The following BCL2L13 variants were observed in gnomAD, a reference collection of about 807,000 sequenced individuals.
BCL2L13 encodes the protein BCL2 like 13.
In BCL2L13, 13 loss-of-function variants were observed where a neutral mutation model predicts 25.8. The observed-to-expected ratio is 0.50, with a 90% CI of 0.33 to 0.80. The LOEUF is 0.80. Ranked by LOEUF, BCL2L13 falls within the 30% of genes least tolerant of loss-of-function variation. The pLI, the probability that BCL2L13 is intolerant of heterozygous loss-of-function variation, is 0.02. For missense variants in BCL2L13, 504 were observed against 574.9 expected (o/e 0.88, Z 1.26); for synonymous variants, 244 against 230.3 (o/e 1.06, Z -0.54).
chr22:17,654,431 G>GT lies in BCL2L13; in HGVS notation c.-50-1222dup, dbSNP rs536430521. ...TGTCTTCTCTCTTTTTTTTTCTTCT[G>GT]TTTTTTTTTGAGATGGAGTCTCGCT... On this transcript the variant is annotated intron_variant, in intron 1 of 6. Transcript: ENST00000317582. Among the ~76,000 whole-genome samples, 58 of 126,802 alleles carry GT rather than the reference G, an allele frequency of 4.6e-4. No homozygotes were observed. The South Asian group carries it at 8.1e-3, about 18-fold the overall frequency. The allele number at this position is 126,802 out of a possible 152,430, so 83.2% of individuals were successfully genotyped here.
intron 1 of BCL2L13, among the ~76,000 whole-genome samples, chr22:17,651,256 C>T (rs1483521129): frequency 6.6e-6 from 1 of 151,472 alleles, no homozygotes; most frequent in Non-Finnish European, 1.5e-5. Flanking sequence ...CCTTGGCCTC[C>T]CAAAGTGCTA....
chr22:17,703,791 T>C (rs911845365), intron 6 of BCL2L13: 2 of 152,232 alleles, frequency 1.3e-5, no homozygotes, highest in Non-Finnish European at 2.9e-5. Flanking sequence ...TTTATTGTTA[T>C]TGTTGTCTTC....
intron 4 of BCL2L13, among the ~76,000 whole-genome samples, chr22:17,690,872 T>G (rs971033597): frequency 6.6e-6 from 1 of 152,152 alleles, no homozygotes; most frequent in Non-Finnish European, 1.5e-5. Context: ...GAAATAAAAC[T>G]TACACAGGAA....
Position 17,728,669 on chromosome 22 carries a change from TATGAAA to T in BCL2L13, c.*1136_*1141del, listed in dbSNP as rs1387365286. 6.6e-6 allele frequency: 1 copy of T among 152,222 alleles called. No homozygotes were observed. Among genetic ancestry groups the T allele is most frequent in the African/African-American group, 2.4e-5 (1 of 41,452 alleles). The allele number at this position is 152,222 out of a possible 1,614,324, so 9.4% of individuals were successfully genotyped here. A position where few individuals can be genotyped will look rare whatever the true frequency, so the allele number is the denominator to read the frequency against. ...ATAGAGCCAGTTAGATCATAATTCTTATGAAATAGAGAGTGTCCTAAATATCACTGA... is the reference window on the plus strand; with the variant it reads ...ATAGAGCCAGTTAGATCATAATTCTTTAGAGAGTGTCCTAAATATCACTGA... On this transcript the variant is annotated 3_prime_UTR_variant, in exon 7 of 7. Transcript: ENST00000317582.
chr22:17,630,947 ACTTTATAAC>A (rs1329659247), intron 1 of BCL2L13, among the ~76,000 whole-genome samples: 2 of 151,670 alleles, frequency 1.3e-5, no homozygotes, highest in Non-Finnish European at 2.9e-5. Context: ...TTATAACCTT[ACTTTATAAC>A]CTTTATAACC....
At chr22:17,680,344 A>C (rs931874539) in intron 2 of BCL2L13, among the ~76,000 whole-genome samples, 3 of 150,916 alleles carry the variant, frequency 2.0e-5, no homozygotes, top group African/African-American at 7.3e-5. Context: ...CCCCATCTCT[A>C]CTAAAAATAC....
At chr22:17,692,318 G>A (rs2145643637) in intron 4 of BCL2L13, 1 of 152,270 alleles carries the variant, frequency 6.6e-6, no homozygotes, top group East Asian at 1.9e-4. Context: ...GTGCATGTAT[G>A]TCTGTGTATA....
At chr22:17,652,964 C>G (rs1053879311) in intron 1 of BCL2L13, among the ~76,000 whole-genome samples, 1 of 152,008 alleles carries the variant, frequency 6.6e-6, no homozygotes, top group Admixed American at 6.6e-5. Flanking sequence ...ACTCGGGAGG[C>G]TGAGGCAGGA....
intron 1 of BCL2L13, among the ~76,000 whole-genome samples, chr22:17,644,179 G>A (rs2058390905): frequency 6.6e-6 from 1 of 151,370 alleles, no homozygotes; most frequent in Non-Finnish European, 1.5e-5. Context: ...CAAAGTGCTA[G>A]GATTACAGGC....
chr22:17,699,587 T>C (rs949185192), intron 5 of BCL2L13, among the ~76,000 whole-genome samples: 1 of 152,162 alleles, frequency 6.6e-6, no homozygotes, highest in Admixed American at 6.5e-5. Context: ...AAAAAAATTA[T>C]ATATGATGTG....
intron 2 of BCL2L13, among the ~76,000 whole-genome samples, chr22:17,671,381 G>C (rs2587066): frequency 0.69 from 92,990 of 135,668 alleles, 32,094 homozygotes; most frequent in East Asian, 0.85. Flanking sequence ...GTGACAGAGC[G>C]AGACTCCATC....
intron 2 of BCL2L13, among the ~76,000 whole-genome samples, chr22:17,665,003 A>G (rs2059192986): frequency 6.6e-6 from 1 of 152,174 alleles, no homozygotes; most frequent in Non-Finnish European, 1.5e-5. Flanking sequence ...GGCAATTAGC[A>G]TTTGGCTTCT....
intron 2 of BCL2L13, among the ~76,000 whole-genome samples, chr22:17,670,865 C>T (rs1397318253): frequency 1.3e-5 from 2 of 152,136 alleles, no homozygotes; most frequent in Non-Finnish European, 2.9e-5. Flanking sequence ...GATCTGTCCT[C>T]CATCAGTCTG....
At chr22:17,719,719 C>T (rs2145809500) in intron 6 of BCL2L13, among the ~76,000 whole-genome samples, 1 of 151,742 alleles carries the variant, frequency 6.6e-6, no homozygotes, top group South Asian at 2.1e-4. Flanking sequence ...ATCCCAGCTA[C>T]TCAGGAGGCT....
chr22:17,643,849 G>A (rs2058377144), intron 1 of BCL2L13, among the ~76,000 whole-genome samples: 1 of 151,742 alleles, frequency 6.6e-6, no homozygotes, highest in African/African-American at 2.4e-5. Context: ...TCCTGATCTT[G>A]TGATCCGCCC....
At position 17,727,743 on chromosome 22, in the gene BCL2L13, C is replaced by T. The variant is rs1163065952; in HGVS notation, c.*209C>T. On this transcript the variant is annotated 3_prime_UTR_variant, in exon 7 of 7. Transcript: ENST00000317582. ...ACTGTAAATCCCAAGGGCCTCCGCT[C>T]ATGCTAAATTGAGAATCTTAGGGGT... is the stretch of plus-strand genomic sequence containing the variant. 1 of 663,868 alleles carries T rather than the reference C, an allele frequency of 1.5e-6. No individual in the cohort carries two copies. The highest frequency in any genetic ancestry group is 1.8e-5 in the African/African-American group (1 of 54,986). The allele number at this position is 663,868 out of a possible 1,614,324, so 41.1% of individuals were successfully genotyped here.
intron 6 of BCL2L13, among the ~76,000 whole-genome samples, chr22:17,705,593 G>A (rs1054746768): frequency 1.3e-5 from 2 of 151,816 alleles, no homozygotes; most frequent in Non-Finnish European, 2.9e-5. Flanking sequence ...CACCGCGCCC[G>A]GCCGATATTG....
In BCL2L13 at chr22:17,638,799, G is replaced by C. The variant is rs1476575451; in HGVS notation, c.-138G>C. 61 of 1,231,920 alleles carry C rather than the reference G, an allele frequency of 5.0e-5. No individual in the cohort carries two copies. Among genetic ancestry groups the C allele is most frequent in the Non-Finnish European group, 6.0e-5 (59 of 988,144 alleles). 76.3% of individuals were successfully genotyped at this position (1,231,920 alleles called of 1,614,324 possible). A position where few individuals can be genotyped will look rare whatever the true frequency, so the allele number is the denominator to read the frequency against. On this transcript the variant is annotated 5_prime_UTR_variant, in exon 1 of 7. Transcript: ENST00000317582. ...CGGCGGTAGATTAGGGCCGCGGGTC[G>C]GAGCACTCACCGCCGCTGGGGGACC...
chr22:17,663,682 C>CTTTT (rs2059141198), intron 2 of BCL2L13, among the ~76,000 whole-genome samples: 2 of 84,734 alleles, frequency 2.4e-5, no homozygotes, highest in African/African-American at 3.7e-5. Context: ...TTACATTTTT[C>CTTTT]CTTTTTTTTT....
Sources: allele counts gnomAD v4.1 joint callset (sites outside exome capture counted in the v4.1 genomes callset), GRCh38; gene constraint gnomAD v4.1.1; transcripts MANE v1.5; gene names NCBI Gene and HGNC (gene_info 2026-07-23, HGNC 2026-07-21).